RGS10: variants seen among roughly 807,000 people sequenced by gnomAD.
The protein encoded by RGS10 is regulator of G protein signaling 10.
In RGS10, 11 loss-of-function variants were observed where a neutral mutation model predicts 23.5. The observed-to-expected ratio is 0.47, with a 90% CI of 0.29 to 0.77. RGS10 has a LOEUF of 0.77. Among genes scored for constraint, RGS10 ranks in the 30% least tolerant of loss-of-function variants. The pLI is 0.08. For missense variants in RGS10, 180 were observed against 226.3 expected (o/e 0.80, Z 1.31); for synonymous variants, 77 against 83.2 (o/e 0.92, Z 0.41).
intron 1 of RGS10, chr10:119,536,315 A>G (rs940095411): frequency 8.3e-6 from 5 of 600,262 alleles, no homozygotes; most frequent in Non-Finnish European, 1.4e-5. Context: ...TTCGGGACTC[A>G]CAGAAAGCCA....
At chr10:119,530,642 T>C (rs752995989) in intron 1 of RGS10, among the ~76,000 whole-genome samples, 3 of 152,184 alleles carry the variant, frequency 2.0e-5, no homozygotes, top group Non-Finnish European at 4.4e-5. Flanking sequence ...CTGGGCAACA[T>C]AGTGAAATCC....
chr10:119,515,210 C>T (rs999507147), intron 4 of RGS10, among the ~76,000 whole-genome samples: 2 of 152,098 alleles, frequency 1.3e-5, no homozygotes, highest in Non-Finnish European at 2.9e-5. Context: ...TTTCTCAGTA[C>T]AGGCTCCTCA....
Position 119,524,154 on chromosome 10 carries a change from G to T in RGS10, c.255+1878C>A, listed in dbSNP as rs1014403957. Among the ~76,000 whole-genome samples, 2 of 152,180 alleles carry T rather than the reference G, an allele frequency of 1.3e-5. No individual in the cohort carries two copies. The highest frequency in any genetic ancestry group is 4.8e-5 in the African/African-American group (2 of 41,444). On this transcript the variant is annotated intron_variant, in intron 3 of 4. Coordinates refer to ENST00000369103, the MANE Select transcript of RGS10 (RefSeq NM_001005339.2). This position sits in a 1 kb window ranked among gnomAD's most constrained non-coding sequence, Gnocchi z 5.2. ...TCCCATCTCTACACTCATTGCACTT[G>T]CACAGGCTTGCTCCCCTTGAGGTGC...
At chr10:119,520,078 G>A (rs375504519) in intron 3 of RGS10, among the ~76,000 whole-genome samples, 19 of 152,252 alleles carry the variant, frequency 1.2e-4, no homozygotes, top group South Asian at 4.1e-4. Flanking sequence ...CCCCCATCCC[G>A]TCTGCTGGCC....
At chr10:119,531,246 A>C (rs891340258) in intron 1 of RGS10, among the ~76,000 whole-genome samples, 17 of 152,216 alleles carry the variant, frequency 1.1e-4, no homozygotes, top group Non-Finnish European at 1.8e-4. Context: ...AAGTAAATAA[A>C]TCTAGAGACA....
chr10:119,515,739 G>C (rs1844135109), intron 3 of RGS10, 87 bp from the exon 4 acceptor site: 1 of 1,528,884 alleles, frequency 6.5e-7, no homozygotes, highest in African/African-American at 1.4e-5. Context: ...CAGGCCCACA[G>C]GAGCTGCTGT....
rs947971475 is a variant in RGS10, at chr10:119,499,882, A to G, written c.*231T>C. On this transcript the variant is annotated 3_prime_UTR_variant, in exon 5 of 5. Coordinates refer to ENST00000369103, the MANE Select transcript of RGS10 (RefSeq NM_001005339.2). ...AAATGCTCGACGTGTCCAGTGTTGA[A>G]GGAATCTCTGTTTTGTAAACTAAAA... The G allele has an allele frequency of 4.2e-6, 2 of 473,152 alleles. No homozygotes were observed. 29.3% of individuals were successfully genotyped at this position (473,152 alleles called of 1,614,324 possible).
At chr10:119,506,035 C>T (rs1006693785) in intron 4 of RGS10, among the ~76,000 whole-genome samples, 1 of 152,200 alleles carries the variant, frequency 6.6e-6, no homozygotes, top group Non-Finnish European at 1.5e-5. Flanking sequence ...TGAATTGCGG[C>T]TCTAGAATGC....
intron 1 of RGS10, among the ~76,000 whole-genome samples, chr10:119,532,392 C>A (rs1844340591): frequency 6.6e-6 from 1 of 152,148 alleles, no homozygotes. Context: ...AGGGGACACA[C>A]TAAGTAATGA....
intron 4 of RGS10, among the ~76,000 whole-genome samples, chr10:119,508,854 T>C (rs1184436343): frequency 6.6e-6 from 1 of 152,158 alleles, no homozygotes; most frequent in East Asian, 1.9e-4. Context: ...AGCAGCACTT[T>C]AGGAAGCCAA....
chr10:119,524,130 C>T lies in RGS10; in HGVS notation c.255+1902G>A, dbSNP rs1053336831. Among the ~76,000 whole-genome samples, 18 of 152,216 alleles carry T rather than the reference C, an allele frequency of 1.2e-4. No individual in the cohort carries two copies. Among genetic ancestry groups the T allele is most frequent in the African/African-American group, 4.3e-4 (18 of 41,452 alleles). ...CCTTGCTCCCACGACACATGTGCTT[C>T]CCATCTCTACACTCATTGCACTTGC... On this transcript the variant is annotated intron_variant, in intron 3 of 4. Coordinates refer to ENST00000369103, the MANE Select transcript of RGS10 (RefSeq NM_001005339.2). This position sits in a 1 kb window ranked among gnomAD's most constrained non-coding sequence, Gnocchi z 5.2.
chr10:119,515,830 G>C (rs1268430296), intron 3 of RGS10, among the ~76,000 whole-genome samples, 178 bp from the exon 4 acceptor site: 2 of 152,148 alleles, frequency 1.3e-5, no homozygotes, highest in African/African-American at 4.8e-5. Flanking sequence ...AGCCTGCACT[G>C]CCAAGCCCCT....
rs1844315276 is a variant in RGS10 at position 119,529,873 on chromosome 10, T to C, written c.50-2449A>G. On this transcript the variant is annotated intron_variant, in intron 1 of 4. Coordinates refer to ENST00000369103, the MANE Select transcript of RGS10 (RefSeq NM_001005339.2). ...CTTTGGGAGGCCGAGGCAGGCAGAT[T>C]GCAAGGTCAAGAGATCGAGACCATC... is the stretch of plus-strand genomic sequence containing the variant. Among the ~76,000 whole-genome samples the C allele has an allele frequency of 2.6e-5, 4 of 151,894 alleles. No homozygotes were observed. In the South Asian group the frequency reaches 6.2e-4, roughly 24 times the overall value.
At chr10:119,506,922 A>G (rs1379404981) in intron 4 of RGS10, among the ~76,000 whole-genome samples, 1 of 152,078 alleles carries the variant, frequency 6.6e-6, no homozygotes, top group Non-Finnish European at 1.5e-5. Context: ...GCTGGTCTCA[A>G]TCTCTTGACT....
intron 3 of RGS10, among the ~76,000 whole-genome samples, chr10:119,523,816 A>C (rs1289402688): frequency 6.6e-6 from 1 of 152,090 alleles, no homozygotes; most frequent in Non-Finnish European, 1.5e-5. Flanking sequence ...GGCACATTGA[A>C]AGTTTGACCC....
At chr10:119,539,390 G>C (rs1031512801) in intron 1 of RGS10, among the ~76,000 whole-genome samples, 1 of 152,226 alleles carries the variant, frequency 6.6e-6, no homozygotes, top group Non-Finnish European at 1.5e-5. Flanking sequence ...TGCCCGGCAG[G>C]GTGGGAATTC....
At chr10:119,535,873 C>T (rs1280608811) in intron 1 of RGS10, among the ~76,000 whole-genome samples, 1 of 152,216 alleles carries the variant, frequency 6.6e-6, no homozygotes, top group Non-Finnish European at 1.5e-5. Context: ...AAATACTCTA[C>T]TTTGTAATGA....
intron 1 of RGS10, among the ~76,000 whole-genome samples, chr10:119,534,594 A>AC: frequency 6.9e-6 from 1 of 145,388 alleles, no homozygotes; most frequent in East Asian, 2.0e-4. Flanking sequence ...CTGTCTCAAA[A>AC]AAAAAAAAAA....
intron 3 of RGS10, among the ~76,000 whole-genome samples, chr10:119,525,692 C>T (rs964420177): frequency 4.6e-5 from 7 of 152,160 alleles, no homozygotes; most frequent in East Asian, 1.9e-4. Flanking sequence ...ATCTGCGTAT[C>T]GTTTTACCAC....
Sources: allele counts gnomAD v4.1 joint callset (sites outside exome capture counted in the v4.1 genomes callset), GRCh38; gene constraint gnomAD v4.1.1; non-coding constraint Gnocchi (gnomAD v3.1); transcripts MANE v1.5; gene names NCBI Gene and HGNC (gene_info 2026-07-23, HGNC 2026-07-21).